CTTNBP2NL: variants seen among roughly 807,000 people sequenced by gnomAD.
CTTNBP2NL encodes the protein CTTNBP2 N-terminal-like protein.
In CTTNBP2NL, 16 loss-of-function variants were observed where a neutral mutation model predicts 32.5. That is an observed-to-expected ratio of 0.49 (90% CI 0.33 to 0.75). The LOEUF (loss-of-function observed/expected upper bound fraction) is 0.75. Ranked by LOEUF, CTTNBP2NL falls within the 30% of genes least tolerant of loss-of-function variation. The probability of loss-of-function intolerance (pLI) is 0.02; values close to 1 mark genes in which losing one functional copy is unlikely to be tolerated. For missense variants in CTTNBP2NL, 645 were observed against 756.0 expected, an observed-to-expected ratio of 0.85 and a Z score of 1.72; for synonymous variants, 298 against 289.4, an observed-to-expected ratio of 1.03 and a Z score of -0.30.
rs893696622 is a variant in CTTNBP2NL, at chr1:112,460,215, A to G, written c.*2803A>G. On this transcript the variant is annotated 3_prime_UTR_variant, in exon 6 of 6. Transcript: ENST00000271277. ...TTCATTTTTATAGCAGACTGCATTA[A>G]AACAAGTTAAATCTTGCTGTTTGGG... 1 of 152,238 alleles carries G rather than the reference A, an allele frequency of 6.6e-6. No homozygotes were observed. The highest frequency in any genetic ancestry group is 2.4e-5 in the African/African-American group (1 of 41,470). 9.4% of individuals were successfully genotyped at this position (152,238 alleles called of 1,614,324 possible).
At chr1:112,425,506 A>G (rs1328761824) in intron 3 of CTTNBP2NL, among the ~76,000 whole-genome samples, 1 of 152,098 alleles carries the variant, frequency 6.6e-6, no homozygotes, top group Non-Finnish European at 1.5e-5. Context: ...TTTTGTATAC[A>G]TTGATTTTAT....
At chr1:112,421,310 C>CTTTTTTTT (rs34750717) in intron 3 of CTTNBP2NL, among the ~76,000 whole-genome samples, 2 of 115,934 alleles carry the variant, frequency 1.7e-5, no homozygotes, top group African/African-American at 3.2e-5. Context: ...CATTTCTTTT[C>CTTTTTTTT]TTTTTTTTTT....
intron 1 of CTTNBP2NL, among the ~76,000 whole-genome samples, chr1:112,397,999 G>T (rs1320918144): frequency 6.6e-6 from 1 of 152,176 alleles, no homozygotes; most frequent in Non-Finnish European, 1.5e-5. Flanking sequence ...AAAGTACAAA[G>T]AAGAAACTGG....
chr1:112,452,645 C>CTTTTTTTTTTTTTTTT lies in CTTNBP2NL; in HGVS notation c.331-1791_331-1790insTTTTTTTTTTTTTTTT, dbSNP rs34842059. Among the ~76,000 whole-genome samples the CTTTTTTTTTTTTTTTT allele has an allele frequency of 7.7e-4, 102 of 133,060 alleles. 5 individuals carry two copies. The highest frequency in any genetic ancestry group is 3.0e-3 in the African/African-American group (97 of 32,182). 87.3% of individuals were successfully genotyped at this position (133,060 alleles called of 152,430 possible). A position where few individuals can be genotyped will look rare whatever the true frequency, so the allele number is the denominator to read the frequency against. ...AGGCATGAGCCACCACTCCTGGCCTCTTTTTTTTTTTTTGAGACAAAGTCT... is the reference window on the plus strand; with the variant it reads ...AGGCATGAGCCACCACTCCTGGCCTCTTTTTTTTTTTTTTTTTTTTTTTTTTTTTGAGACAAAGTCT... On this transcript the variant is annotated intron_variant, in intron 4 of 5. Coordinates refer to ENST00000271277, the MANE Select transcript of CTTNBP2NL (RefSeq NM_018704.3).
At chr1:112,394,165 T>C (rs1334649725), upstream of CTTNBP2NL, among the ~76,000 whole-genome samples, 1 of 149,082 alleles carries the variant, frequency 6.7e-6, no homozygotes, top group African/African-American at 2.5e-5. Context: ...ATTGCGCCAT[T>C]GCACTCCAGT....
At chr1:112,421,436 G>C (rs1309357920) in intron 3 of CTTNBP2NL, among the ~76,000 whole-genome samples, 1 of 151,228 alleles carries the variant, frequency 6.6e-6, no homozygotes, top group Admixed American at 6.6e-5. Context: ...AAGTAGCTGG[G>C]ACTGCAGGTG....
intron 3 of CTTNBP2NL, among the ~76,000 whole-genome samples, chr1:112,439,605 T>A (rs1649837187): frequency 6.6e-6 from 1 of 152,198 alleles, no homozygotes; most frequent in African/African-American, 2.4e-5. Context: ...TGTCTGTTAA[T>A]GGTGAGTGAA....
At position 112,458,197 on chromosome 1, in the gene CTTNBP2NL, C is replaced by T. The variant is rs1024464629; in HGVS notation, c.*785C>T. 4 of 152,646 alleles carry T rather than the reference C, an allele frequency of 2.6e-5. No individual in the cohort carries two copies. The highest frequency in any genetic ancestry group is 9.6e-5 in the African/African-American group (4 of 41,466). The allele number at this position is 152,646 out of a possible 1,614,324, so 9.5% of individuals were successfully genotyped here. A position where few individuals can be genotyped will look rare whatever the true frequency, so the allele number is the denominator to read the frequency against. On this transcript the variant is annotated 3_prime_UTR_variant, in exon 6 of 6. Coordinates refer to ENST00000271277, the MANE Select transcript of CTTNBP2NL (RefSeq NM_018704.3). ...GCATCTACTGTTGTGTAAGGAACTT[C>T]TGATTCTGATTGCTGTTACTTGAAT...
At chr1:112,405,967 C>CTT (rs1648652197) in intron 1 of CTTNBP2NL, among the ~76,000 whole-genome samples, 1 of 151,862 alleles carries the variant, frequency 6.6e-6, no homozygotes, top group African/African-American at 2.4e-5. Flanking sequence ...AGGTGGATCA[C>CTT]GAGGTCAGGG....
In CTTNBP2NL at chr1:112,404,265, A is replaced by T. The variant is rs577616460; in HGVS notation, c.-133-7929A>T. 2.8e-4 allele frequency among the ~76,000 whole-genome samples: 43 copies of T among 152,320 alleles called. 1 individual carries two copies. The South Asian group carries it at 5.4e-3, about 19-fold the overall frequency. ...GCTTGTTGTTGGAAATATTCAACTG[A>T]TACTCAATTGTTAAATTTTTTTTAA... On this transcript the variant is annotated intron_variant, in intron 1 of 5. Transcript: ENST00000271277.
chr1:112,398,817 CAAAAAAA>C lies in CTTNBP2NL; in HGVS notation c.-134+2558_-134+2564del, dbSNP rs3033224. Among the ~76,000 whole-genome samples the C allele has an allele frequency of 7.2e-4, 67 of 93,598 alleles. No homozygotes were observed. In the East Asian group the frequency reaches 0.018, roughly 25 times the overall value. The allele number at this position is 93,598 out of a possible 152,430, so 61.4% of individuals were successfully genotyped here. On this transcript the variant is annotated intron_variant, in intron 1 of 5. Coordinates refer to ENST00000271277, the MANE Select transcript of CTTNBP2NL (RefSeq NM_018704.3). ...AGCAGAAAGAGACCCTGTCTCTTAA[CAAAAAAA>C]AAAAAAAAAAAAGTTAAAAAAATAT... is the stretch of plus-strand genomic sequence containing the variant.
intron 2 of CTTNBP2NL, 48 bp downstream of exon 2, chr1:112,412,365 T>C (rs1203129171): frequency 5.3e-5 from 8 of 152,222 alleles, no homozygotes; most frequent in Non-Finnish European, 1.0e-4. Context: ...TCCTAAAATC[T>C]AATGCAATTT....
chr1:112,408,709 T>G (rs1331532313), intron 1 of CTTNBP2NL, among the ~76,000 whole-genome samples: 1 of 152,230 alleles, frequency 6.6e-6, no homozygotes, highest in Non-Finnish European at 1.5e-5. Context: ...ACTGGGTTTT[T>G]AAGAAAAGTA....
At chr1:112,409,811 G>C (rs1648799421) in intron 1 of CTTNBP2NL, among the ~76,000 whole-genome samples, 1 of 152,230 alleles carries the variant, frequency 6.6e-6, no homozygotes, top group Non-Finnish European at 1.5e-5. Context: ...AATAAGTGGA[G>C]CTCGGATAGT....
chr1:112,409,333 T>C (rs1445546983), intron 1 of CTTNBP2NL, among the ~76,000 whole-genome samples: 1 of 152,128 alleles, frequency 6.6e-6, no homozygotes, highest in Non-Finnish European at 1.5e-5. Flanking sequence ...GAGTATATAA[T>C]TAAAAAGTGA....
intron 1 of CTTNBP2NL, among the ~76,000 whole-genome samples, chr1:112,403,107 T>C (rs948528114): frequency 3.9e-5 from 6 of 152,216 alleles, no homozygotes; most frequent in Non-Finnish European, 7.3e-5. Flanking sequence ...AAATTCTTTT[T>C]AATGTCTCTT....
Position 112,459,820 on chromosome 1 carries a change from G to T in CTTNBP2NL, c.*2408G>T, listed in dbSNP as rs575311804. The T allele has an allele frequency of 1.2e-4, 19 of 152,266 alleles. No individual in the cohort carries two copies. The highest frequency in any genetic ancestry group is 3.4e-3 in the Middle Eastern group (1 of 294). The allele number at this position is 152,266 out of a possible 1,614,324, so 9.4% of individuals were successfully genotyped here. On this transcript the variant is annotated 3_prime_UTR_variant, in exon 6 of 6. Transcript: ENST00000271277. ...CTTTGTTTTGGGATAGATATATATAGAGAGAGATACTATAAGGAAGTTTAT... is the reference window on the plus strand; with the variant it reads ...CTTTGTTTTGGGATAGATATATATATAGAGAGATACTATAAGGAAGTTTAT...
intron 1 of CTTNBP2NL, among the ~76,000 whole-genome samples, chr1:112,401,762 T>C (rs1358078699): frequency 2.0e-5 from 3 of 152,146 alleles, no homozygotes; most frequent in African/African-American, 7.2e-5. Context: ...AACTAGATAA[T>C]GCAATGCGCT....
At chr1:112,429,410 G>T (rs1484109885) in intron 3 of CTTNBP2NL, among the ~76,000 whole-genome samples, 1 of 152,188 alleles carries the variant, frequency 6.6e-6, no homozygotes, top group Admixed American at 6.5e-5. Flanking sequence ...TACTTGGGAG[G>T]CTGAAGCAGG....
Sources: gnomAD v4.1 joint callset for allele counts (sites outside exome capture counted in the v4.1 genomes callset) on GRCh38, gnomAD v4.1.1 for gene constraint, MANE v1.5 for transcripts, NCBI Gene and HGNC (gene_info 2026-07-23, HGNC 2026-07-21) for gene names.